WWOX: variants seen among roughly 807,000 people sequenced by gnomAD.
WWOX encodes WW domain-containing oxidoreductase.
WWOX carries 69 observed loss-of-function variants against 46.2 expected under a neutral mutation model. That is an observed-to-expected ratio of 1.49 (90% CI 1.23 to 1.82). The LOEUF (loss-of-function observed/expected upper bound fraction) is 1.82, where lower values mean the gene tolerates loss of function less well. WWOX is among the 40% of genes most tolerant of loss of function. The pLI, the probability that WWOX is intolerant of heterozygous loss-of-function variation, is 0.00. For missense variants in WWOX, 919 were observed against 542.6 expected, an observed-to-expected ratio of 1.69 and a Z score of -6.89; for synonymous variants, 359 against 202.6, an observed-to-expected ratio of 1.77 and a Z score of -6.56.
At chr16:78,219,564 C>T (rs1445006949) in intron 5 of WWOX, among the ~76,000 whole-genome samples, 1 of 152,150 alleles carries the variant, frequency 6.6e-6, no homozygotes, top group Non-Finnish European at 1.5e-5. Flanking sequence ...GAGCTTGTCT[C>T]CTATGATTAC....
intron 8 of WWOX, among the ~76,000 whole-genome samples, chr16:78,689,539 T>G (rs1013157602): frequency 5.3e-5 from 8 of 152,162 alleles, no homozygotes; most frequent in African/African-American, 1.9e-4. Flanking sequence ...TTTGTAAGAG[T>G]CATTCTAAGT....
chr16:78,278,814 T>G (rs572183496), intron 5 of WWOX: 1 of 705,172 alleles, frequency 1.4e-6, no homozygotes, highest in African/African-American at 1.8e-5. Flanking sequence ...AATTTATACC[T>G]TTATCAGTTT....
At chr16:78,499,979 A>C (rs907203410) in intron 8 of WWOX, among the ~76,000 whole-genome samples, 5 of 152,192 alleles carry the variant, frequency 3.3e-5, no homozygotes, top group East Asian at 1.9e-4. Context: ...ACTCATTTTG[A>C]ATCTTTAAAG....
At chr16:78,647,739 C>T (rs1382345453) in intron 8 of WWOX, among the ~76,000 whole-genome samples, 1 of 152,144 alleles carries the variant, frequency 6.6e-6, no homozygotes, top group Non-Finnish European at 1.5e-5. Context: ...GTGGCAGATC[C>T]AGAGATGAAA....
At chr16:78,618,810 G>C (rs1261837281) in intron 8 of WWOX, among the ~76,000 whole-genome samples, 1 of 151,746 alleles carries the variant, frequency 6.6e-6, no homozygotes. Flanking sequence ...CTGCCCTGTG[G>C]CCTGAATTGG....
chr16:78,183,239 C>T (rs1471423754), intron 5 of WWOX, among the ~76,000 whole-genome samples: 1 of 152,140 alleles, frequency 6.6e-6, no homozygotes, highest in Non-Finnish European at 1.5e-5. Context: ...CTACCACCCA[C>T]TAGGGGTCTA....
chr16:78,169,129 T>G (rs2035066291), intron 5 of WWOX, among the ~76,000 whole-genome samples: 1 of 152,206 alleles, frequency 6.6e-6, no homozygotes, highest in Admixed American at 6.5e-5. Flanking sequence ...AGATGTGATC[T>G]ACCTCATTCA....
rs180690588 is a variant in WWOX at position 78,139,006 on chromosome 16, G to A, written c.409+23852G>A. 7.5e-4 allele frequency among the ~76,000 whole-genome samples: 114 copies of A among 152,156 alleles called. 1 individual carries two copies. The highest frequency in any genetic ancestry group is 2.7e-3 in the African/African-American group (111 of 41,454). On this transcript the variant is annotated intron_variant, in intron 4 of 8. Coordinates refer to ENST00000566780, the MANE Select transcript of WWOX (RefSeq NM_016373.4). ...GTGGTTGAAACCTTCATGGTTTGTT[G>A]TAAAGAAAGGTACACAGTCCCACCA...
At chr16:78,389,663 G>C (rs960482448) in intron 6 of WWOX, among the ~76,000 whole-genome samples, 2 of 152,148 alleles carry the variant, frequency 1.3e-5, no homozygotes, top group African/African-American at 4.8e-5. Flanking sequence ...ATTTATCCAA[G>C]GCATGTGGAA....
chr16:78,973,749 G>A (rs4887998), intron 8 of WWOX, among the ~76,000 whole-genome samples: 70,921 of 151,920 alleles, frequency 0.47, 17,449 homozygotes, highest in African/African-American at 0.64. Context: ...TAAATGAAAA[G>A]TATTTCTGGG....
At chr16:78,470,021 G>T (rs957647631) in intron 8 of WWOX, among the ~76,000 whole-genome samples, 2 of 152,216 alleles carry the variant, frequency 1.3e-5, no homozygotes, top group African/African-American at 4.8e-5. Context: ...GTTGCTCAAA[G>T]ATAGTAGAAG....
intron 8 of WWOX, among the ~76,000 whole-genome samples, chr16:78,970,242 T>G (rs1384599738): frequency 6.6e-6 from 1 of 152,180 alleles, no homozygotes; most frequent in Non-Finnish European, 1.5e-5. Context: ...CGGTGTTGGC[T>G]CTCAGTTAGA....
intron 8 of WWOX, among the ~76,000 whole-genome samples, chr16:78,785,800 TAA>T (rs1484834662): frequency 3.5e-4 from 50 of 142,326 alleles, no homozygotes; most frequent in Admixed American, 2.4e-3. Context: ...CTGAATTGGA[TAA>T]TGGTTTTAAA....
intron 8 of WWOX, among the ~76,000 whole-genome samples, chr16:78,823,672 A>G (rs1167930573): frequency 4.6e-5 from 7 of 152,126 alleles, no homozygotes; most frequent in Admixed American, 3.3e-4. Flanking sequence ...TATCTGTGCA[A>G]ATGTGTGCAT....
intron 8 of WWOX, among the ~76,000 whole-genome samples, chr16:79,195,803 C>A (rs1439551665): frequency 6.6e-6 from 1 of 152,150 alleles, no homozygotes; most frequent in Non-Finnish European, 1.5e-5. Flanking sequence ...AGATCAGTGA[C>A]TGGGTGAGTT....
intron 8 of WWOX, chr16:79,110,817 G>A (rs1012376960): frequency 2.0e-5 from 3 of 152,206 alleles, no homozygotes; most frequent in African/African-American, 7.2e-5. Context: ...CCTTTTATCA[G>A]CTGGGTGTTG....
At chr16:78,679,781 C>T (rs941189057) in intron 8 of WWOX, among the ~76,000 whole-genome samples, 1 of 152,116 alleles carries the variant, frequency 6.6e-6, no homozygotes, top group Non-Finnish European at 1.5e-5. Flanking sequence ...TGATGGCTGC[C>T]AAGAGAACAG....
intron 6 of WWOX, among the ~76,000 whole-genome samples, chr16:78,399,220 A>C (rs1238323673): frequency 6.6e-6 from 1 of 152,230 alleles, no homozygotes; most frequent in African/African-American, 2.4e-5. Context: ...ATGGAAACAC[A>C]TAGTACTGTT....
At chr16:78,643,157 C>T (rs1462175051) in intron 8 of WWOX, among the ~76,000 whole-genome samples, 5 of 152,182 alleles carry the variant, frequency 3.3e-5, no homozygotes, top group African/African-American at 4.8e-5. Flanking sequence ...GAGGATCCGA[C>T]AGCTCTGGAA....
Sources: allele counts gnomAD v4.1 joint callset (sites outside exome capture counted in the v4.1 genomes callset), GRCh38; gene constraint gnomAD v4.1.1; transcripts MANE v1.5; gene names NCBI Gene and HGNC (gene_info 2026-07-23, HGNC 2026-07-21).